GSKIP: variants seen among roughly 807,000 people sequenced by gnomAD.
GSKIP encodes GSK3B-interacting protein.
In GSKIP, 5 loss-of-function variants were observed where a neutral mutation model predicts 11.9. That is an observed-to-expected ratio of 0.42 (90% CI 0.22 to 0.89). The LOEUF is 0.89. Ranked by LOEUF, GSKIP falls within the 40% of genes least tolerant of loss-of-function variation. The probability of loss-of-function intolerance (pLI) is 0.29; values close to 1 mark genes in which losing one functional copy is unlikely to be tolerated. For synonymous variants in GSKIP, 70 were observed against 62.9 expected, an observed-to-expected ratio of 1.11 and a Z score of -0.54; for missense variants, 150 against 166.6, an observed-to-expected ratio of 0.90 and a Z score of 0.55.
Position 96,382,255 on chromosome 14 carries a change from CAG to C in GSKIP, c.10_11del (p.Asp4LeufsTer2), listed in dbSNP as rs1424097614. On this transcript the variant is annotated frameshift_variant, in exon 3 of 4. Transcript: ENST00000555181. LOFTEE classifies it high-confidence loss of function. The stretch of plus-strand genomic sequence containing the variant: ...TTTTTTTTTTTTTACAGAATGGAAA[CAG>C]ACTGTAATCCCATGGAGCTAAGCAG... 1 of 1,531,304 alleles carries C rather than the reference CAG, an allele frequency of 6.5e-7. No individual in the cohort carries two copies. Among genetic ancestry groups the C allele is most frequent in the African/African-American group, 1.4e-5 (1 of 70,094 alleles). The allele number at this position is 1,531,304 out of a possible 1,614,324, so 94.9% of individuals were successfully genotyped here. A position where few individuals can be genotyped will look rare whatever the true frequency, so the allele number is the denominator to read the frequency against.
chr14:96,370,319 G>A (rs1401973759), intron 1 of GSKIP, among the ~76,000 whole-genome samples: 1 of 152,174 alleles, frequency 6.6e-6, no homozygotes, highest in Non-Finnish European at 1.5e-5. Context: ...GGACTATTGG[G>A]ATAGAATGGT....
chr14:96,375,581 G>A (rs1889177109), intron 1 of GSKIP, among the ~76,000 whole-genome samples: 1 of 151,902 alleles, frequency 6.6e-6, no homozygotes, highest in South Asian at 2.1e-4. Context: ...CTACAGGCAT[G>A]CACCACCACG....
chr14:96,382,900 C>T (rs1239456786), intron 3 of GSKIP, among the ~76,000 whole-genome samples: 1 of 152,162 alleles, frequency 6.6e-6, no homozygotes, highest in African/African-American at 2.4e-5. Flanking sequence ...AAATAACATA[C>T]TTGACAACAC....
intron 1 of GSKIP, among the ~76,000 whole-genome samples, chr14:96,379,278 TG>T (rs1274098911): frequency 6.6e-6 from 1 of 152,194 alleles, no homozygotes; most frequent in Non-Finnish European, 1.5e-5. Flanking sequence ...CACTCCAGCC[TG>T]GGCAACAGAG....
chr14:96,371,725 G>A (rs1566742906), intron 1 of GSKIP, among the ~76,000 whole-genome samples: 1 of 152,180 alleles, frequency 6.6e-6, no homozygotes. Flanking sequence ...GGGATTACAG[G>A]TGTGGGCCAC....
At chr14:96,384,916 G>T (rs1054557264) in intron 3 of GSKIP, 5 of 151,820 alleles carry the variant, frequency 3.3e-5, no homozygotes, top group Non-Finnish European at 7.4e-5. Context: ...TGGCCTTTCA[G>T]ATTACTAATA....
chr14:96,375,590 C>T (rs1482750910), intron 1 of GSKIP, among the ~76,000 whole-genome samples: 1 of 152,026 alleles, frequency 6.6e-6, no homozygotes, highest in Admixed American at 6.6e-5. Context: ...TGCACCACCA[C>T]GCCTGGCTAA....
chr14:96,366,373 A>G (rs1301200938), intron 1 of GSKIP, among the ~76,000 whole-genome samples: 2 of 152,254 alleles, frequency 1.3e-5, no homozygotes, highest in Non-Finnish European at 2.9e-5. Flanking sequence ...ACGGTTTTGC[A>G]ATAACAAATA....
intron 1 of GSKIP, among the ~76,000 whole-genome samples, chr14:96,376,339 G>GA (rs1566744128): frequency 6.6e-6 from 1 of 151,752 alleles, no homozygotes; most frequent in African/African-American, 2.4e-5. Flanking sequence ...CTTTGCTTAT[G>GA]CTTTGTTCCC....
At chr14:96,366,853 T>C (rs550797822) in intron 1 of GSKIP, among the ~76,000 whole-genome samples, 1 of 152,398 alleles carries the variant, frequency 6.6e-6, no homozygotes, top group Non-Finnish European at 1.5e-5. Context: ...AAATGGGTCA[T>C]GTCAAAATAA....
At chr14:96,365,352 A>G (rs371770052) in intron 1 of GSKIP, 5 of 151,742 alleles carry the variant, frequency 3.3e-5, no homozygotes, top group African/African-American at 1.2e-4. Flanking sequence ...TATACCTGGA[A>G]GAGTTGTTTT....
chr14:96,367,349 C>T (rs1888915564), intron 1 of GSKIP, among the ~76,000 whole-genome samples: 1 of 152,154 alleles, frequency 6.6e-6, no homozygotes, highest in African/African-American at 2.4e-5. Flanking sequence ...GCTTGAGAGC[C>T]TGTTAACCAT....
At position 96,386,098 on chromosome 14, in the gene GSKIP, T is replaced by C. The variant is rs989785337; in HGVS notation, c.*414T>C. The C allele has an allele frequency of 6.5e-6, 1 of 153,214 alleles. No homozygotes were observed. Among genetic ancestry groups the C allele is most frequent in the Non-Finnish European group, 1.5e-5 (1 of 68,454 alleles). 9.5% of individuals were successfully genotyped at this position (153,214 alleles called of 1,614,324 possible). On this transcript the variant is annotated 3_prime_UTR_variant, in exon 4 of 4. Coordinates refer to ENST00000555181, the MANE Select transcript of GSKIP (RefSeq NM_016472.5). ...GCTAAATCAGGGGTTCAATACTAGC[T>C]TGGACAAACTTTGTAGTAATTAATT...
chr14:96,382,098 T>G (rs1889358916), intron 2 of GSKIP, 149 bp from the exon 3 acceptor site: 5 of 505,904 alleles, frequency 9.9e-6, no homozygotes, highest in Non-Finnish European at 1.7e-5. Flanking sequence ...CCACTAGAAA[T>G]GTTTTTAGAT....
chr14:96,369,037 T>A (rs1018749924), intron 1 of GSKIP, among the ~76,000 whole-genome samples: 3 of 152,226 alleles, frequency 2.0e-5, no homozygotes, highest in African/African-American at 7.2e-5. Context: ...AAGGCTATGC[T>A]GAGGAGAGCT....
chr14:96,369,767 C>G (rs1888993367), intron 1 of GSKIP, among the ~76,000 whole-genome samples: 1 of 152,084 alleles, frequency 6.6e-6, no homozygotes, highest in African/African-American at 2.4e-5. Flanking sequence ...CTAGGTGTCA[C>G]AGAAAGACTC....
chr14:96,373,401 C>T (rs1450961003), intron 1 of GSKIP, among the ~76,000 whole-genome samples: 1 of 152,070 alleles, frequency 6.6e-6, no homozygotes, highest in East Asian at 1.9e-4. Flanking sequence ...CCAGTTTACA[C>T]TCCCACTCAG....
At chr14:96,385,320 A>G (rs1889459839) in intron 3 of GSKIP, among the ~76,000 whole-genome samples, 1 of 152,232 alleles carries the variant, frequency 6.6e-6, no homozygotes, top group Admixed American at 6.5e-5. Context: ...AAGTTGCTGA[A>G]GTATTAAAGG....
chr14:96,383,924 G>A (rs922574685), intron 3 of GSKIP, among the ~76,000 whole-genome samples: 1 of 152,162 alleles, frequency 6.6e-6, no homozygotes, highest in African/African-American at 2.4e-5. Flanking sequence ...TTAATTCTAA[G>A]TTGACTGTGG....
Sources: gnomAD v4.1 joint callset for allele counts (sites outside exome capture counted in the v4.1 genomes callset) on GRCh38, gnomAD v4.1.1 for gene constraint, MANE v1.5 for transcripts, NCBI Gene and HGNC (gene_info 2026-07-23, HGNC 2026-07-21) for gene names.